EMP3: variants seen among roughly 807,000 people sequenced by gnomAD.
EMP3 encodes the protein epithelial membrane protein 3 (MAM blood group), also known as epithelial membrane protein 3.
In EMP3, 15 loss-of-function variants were observed where a neutral mutation model predicts 21.6. The observed-to-expected ratio is 0.69, with a 90% CI of 0.46 to 1.07. The LOEUF (loss-of-function observed/expected upper bound fraction) is 1.07. Among genes scored for constraint, EMP3 ranks in the 50% least tolerant of loss-of-function variants. The probability of loss-of-function intolerance (pLI) is 0.00; values close to 1 mark genes in which losing one functional copy is unlikely to be tolerated. For synonymous variants in EMP3, 107 were observed against 86.1 expected (o/e 1.24, Z -1.34); for missense variants, 183 against 206.6 (o/e 0.89, Z 0.70).
intron 2 of EMP3, among the ~76,000 whole-genome samples, chr19:48,327,134 G>A (rs1356863053): frequency 6.6e-6 from 1 of 152,178 alleles, no homozygotes; most frequent in Non-Finnish European, 1.5e-5. Context: ...CCGGGTTCAA[G>A]CGATTCTCCT....
chr19:48,326,738 C>T, intron 1 of EMP3, 92 bp from the exon 2 acceptor site: 1 of 1,035,984 alleles, frequency 9.7e-7, no homozygotes, highest in South Asian at 1.3e-5. Flanking sequence ...GATCCTCCCG[C>T]CTCGGCCTCC....
At position 48,327,480 on chromosome 19, in the gene EMP3, T is replaced by C. The variant is rs1469080334; in HGVS notation, c.79-41T>C. On this transcript the variant is annotated intron_variant, in intron 2 of 4. Coordinates refer to ENST00000270221, the MANE Select transcript of EMP3 (RefSeq NM_001425.3). ...TCTGCCTGACCCTATCCCCTCTCCT[T>C]TCCTAACCCTGCCCCTTGTTTCGTT... The C allele has an allele frequency of 1.3e-6, 2 of 1,512,128 alleles. 1 individual carries two copies. The highest frequency in any genetic ancestry group is 3.6e-5 in the Admixed American group (2 of 55,314). 93.7% of individuals were successfully genotyped at this position (1,512,128 alleles called of 1,614,324 possible). A position where few individuals can be genotyped will look rare whatever the true frequency, so the allele number is the denominator to read the frequency against.
At chr19:48,330,260 T>C in intron 4 of EMP3, 41 bp from the exon 5 acceptor site, 1 of 1,521,306 alleles carries the variant, frequency 6.6e-7, no homozygotes, top group South Asian at 1.2e-5. Context: ...AATGTAGTCT[T>C]GAGGGGGCAC....
intron 2 of EMP3, among the ~76,000 whole-genome samples, 180 bp downstream of exon 2, chr19:48,327,102 G>C (rs1190601151): frequency 6.6e-6 from 1 of 152,076 alleles, no homozygotes; most frequent in African/African-American, 2.4e-5. Flanking sequence ...GTGCGATCTC[G>C]GCTCACTGCA....
Position 48,330,386 on chromosome 19 carries a change from A to C in EMP3, c.408A>C (p.Gly136=), listed in dbSNP as rs1284716427. ...LEKHPRGGSF[G]YCFALAWVAF... ...AGCACCCGCGAGGGGGCAGCTTCGG[A>C]TACTGCTTCGCCCTGGCCTGGGTGG... The change falls in exon 5 of 5, where the codon GGA becomes GGC. Residue 136 remains glycine, a synonymous_variant. Transcript: ENST00000270221. 3 of 1,607,586 alleles carry C rather than the reference A, an allele frequency of 1.9e-6. No individual in the cohort carries two copies. Among genetic ancestry groups the C allele is most frequent in the Non-Finnish European group, 2.5e-6 (3 of 1,177,134 alleles).
chr19:48,329,533 G>C lies in EMP3; in HGVS notation c.322+41G>C, dbSNP rs369091876. On this transcript the variant is annotated intron_variant, in intron 4 of 4. Transcript: ENST00000270221. This position sits in a 1 kb window ranked among gnomAD's most constrained non-coding sequence, Gnocchi z 4.5. ...CCCCAACCCTAATCCCCCAAGAATT[G>C]AGCAGAAGGGAGTGGGGTGTGTCAA... 5.6e-6 allele frequency: 9 copies of C among 1,610,336 alleles called. No homozygotes were observed. Among genetic ancestry groups the C allele is most frequent in the Non-Finnish European group, 6.8e-6 (8 of 1,177,596 alleles).
Position 48,329,249 on chromosome 19 carries a change from G to A in EMP3, c.182-103G>A. 1 of 1,462,548 alleles carries A rather than the reference G, an allele frequency of 6.8e-7. No homozygotes were observed. Among genetic ancestry groups the A allele is most frequent in the Non-Finnish European group, 9.3e-7 (1 of 1,069,966 alleles). The allele number at this position is 1,462,548 out of a possible 1,614,324, so 90.6% of individuals were successfully genotyped here. A position where few individuals can be genotyped will look rare whatever the true frequency, so the allele number is the denominator to read the frequency against. ...TATCTAGGCTTGTATGGGCCTAAACGGGAGCAGGGATGGGGCAGAGAAGGG... is the reference window on the plus strand; with the variant it reads ...TATCTAGGCTTGTATGGGCCTAAACAGGAGCAGGGATGGGGCAGAGAAGGG... On this transcript the variant is annotated intron_variant, in intron 3 of 4. Transcript: ENST00000270221. This position sits in a 1 kb window ranked among gnomAD's most constrained non-coding sequence, Gnocchi z 4.5.
At chr19:48,328,430 AAAGAAT>A (rs1600884071) in intron 3 of EMP3, among the ~76,000 whole-genome samples, 1 of 151,486 alleles carries the variant, frequency 6.6e-6, no homozygotes, top group African/African-American at 2.4e-5. Context: ...AAAAAAAAAA[AAAGAAT>A]AGAGAAAAAT....
intron 3 of EMP3, 162 bp downstream of exon 3, chr19:48,327,785 T>A (rs1465990708): frequency 1.8e-5 from 11 of 613,952 alleles, no homozygotes; most frequent in Non-Finnish European, 2.9e-5. Context: ...CCCGCCTGTC[T>A]GGATGTACCT....
Position 48,329,419 on chromosome 19 carries a change from G to C in EMP3, c.249G>C (p.Leu83=). The change falls in exon 4 of 5, where the codon CTG becomes CTC. Residue 83 remains leucine, a synonymous_variant. Transcript: ENST00000270221. The surrounding 1 kb of genome is among the most constrained non-coding windows in gnomAD (Gnocchi z 4.5). ...SLILCCLSFI[L]FMFQLYTMRR... is the part of the protein sequence containing the mutation. Reference sequence around the variant, plus strand: ...TTCTCTGCTGTCTCTCCTTCATCCTGTTCATGTTCCAGCTCTACACCATGC... The same window carrying C: ...TTCTCTGCTGTCTCTCCTTCATCCTCTTCATGTTCCAGCTCTACACCATGC... 6.2e-7 allele frequency: 1 copy of C among 1,613,952 alleles called. No homozygotes were observed. The highest frequency in any genetic ancestry group is 8.5e-7 in the Non-Finnish European group (1 of 1,180,010).
chr19:48,327,752 G>A (rs1007492593), intron 3 of EMP3, 129 bp downstream of exon 3: 4 of 774,730 alleles, frequency 5.2e-6, no homozygotes, highest in Admixed American at 4.3e-5. Flanking sequence ...CTGAGTGGCT[G>A]AGTGCCTAGG....
rs1192622294 is a variant in EMP3 at position 48,329,989 on chromosome 19, G to C, written c.323-312G>C. ...GGCTAACTTAATCACAGTCAGTTTG[G>C]GGAACATTATAGGTTCTTGCAAAGC... On this transcript the variant is annotated intron_variant, in intron 4 of 4. Coordinates refer to ENST00000270221, the MANE Select transcript of EMP3 (RefSeq NM_001425.3). The surrounding 1 kb of genome is among the most constrained non-coding windows in gnomAD (Gnocchi z 4.5). 6.6e-6 allele frequency among the ~76,000 whole-genome samples: 1 copy of C among 152,258 alleles called. No homozygotes were observed. Among genetic ancestry groups the C allele is most frequent in the East Asian group, 1.9e-4 (1 of 5,192 alleles).
intron 1 of EMP3, chr19:48,326,127 T>A (rs1046079014): frequency 6.6e-6 from 1 of 150,670 alleles, no homozygotes. Context: ...TGGGGATGAG[T>A]CACCAGATGA....
intron 2 of EMP3, 117 bp downstream of exon 2, chr19:48,327,039 T>A: frequency 1.1e-6 from 1 of 909,042 alleles, no homozygotes; most frequent in Non-Finnish European, 1.8e-6. Context: ...TTATTTTATT[T>A]CATTTATTTT....
At chr19:48,330,269 A>G (rs1177566604) in intron 4 of EMP3, 32 bp from the exon 5 acceptor site, 1 of 1,536,798 alleles carries the variant, frequency 6.5e-7, no homozygotes, top group Non-Finnish European at 8.8e-7. Flanking sequence ...TTGAGGGGGC[A>G]CTGCATGACG....
chr19:48,327,523 C>T lies in EMP3; in HGVS notation c.81C>T (p.Ser27=). The T allele has an allele frequency of 6.2e-7, 1 of 1,612,076 alleles. No homozygotes were observed. The highest frequency in any genetic ancestry group is 8.5e-7 in the Non-Finnish European group (1 of 1,178,926). The part of the protein sequence containing the change: ...ILLFVATLDK[S]WWTLPGKESL... ...GTTTCGTTCTCTGTCCATCCCAGTCCTGGTGGACTCTCCCTGGGAAAGAGT... is the reference window on the plus strand; with the variant it reads ...GTTTCGTTCTCTGTCCATCCCAGTCTTGGTGGACTCTCCCTGGGAAAGAGT... The change falls in exon 3 of 5, where the codon TCC becomes TCT. Residue 27 remains serine (S), a splice_region_variant and synonymous_variant. Coordinates refer to ENST00000270221, the MANE Select transcript of EMP3 (RefSeq NM_001425.3).
At position 48,330,472 on chromosome 19, in the gene EMP3, C is replaced by A. The variant is rs1251799448; in HGVS notation, c.*2C>A. ...ATCCACCTACGGAAGCGGGAGTGAG[C>A]GCCCCGCCTCGCTCGGCTGCCCCCG... On this transcript the variant is annotated 3_prime_UTR_variant, in exon 5 of 5. Transcript: ENST00000270221. The A allele has an allele frequency of 1.1e-5, 17 of 1,574,420 alleles. No individual in the cohort carries two copies. In the Admixed American group the frequency reaches 3.2e-4, roughly 30 times the overall value.
rs1237501618 is a variant in EMP3, at chr19:48,329,173, G to A, written c.182-179G>A. On this transcript the variant is annotated intron_variant, in intron 3 of 4. Coordinates refer to ENST00000270221, the MANE Select transcript of EMP3 (RefSeq NM_001425.3). This position sits in a 1 kb window ranked among gnomAD's most constrained non-coding sequence, Gnocchi z 4.5. ...AAAGCAACTACTAGAACTGAGAAGG[G>A]AATATAGCAAGGTAACAGGGCTCAA... 2.9e-6 allele frequency: 2 copies of A among 698,640 alleles called. No homozygotes were observed. The highest frequency in any genetic ancestry group is 3.0e-5 in the Admixed American group (1 of 32,830). 43.3% of individuals were successfully genotyped at this position (698,640 alleles called of 1,614,324 possible). A position where few individuals can be genotyped will look rare whatever the true frequency, so the allele number is the denominator to read the frequency against.
Position 48,330,356 on chromosome 19 carries a change from G to A in EMP3, c.378G>A (p.Leu126=), listed in dbSNP as rs1969187069. Residue 126 remains leucine, a synonymous_variant, in exon 5 of 5, where the codon CTG becomes CTA. Coordinates refer to ENST00000270221, the MANE Select transcript of EMP3 (RefSeq NM_001425.3). ...ATGCCATTCACGCCGAGGAGATCCT[G>A]GAGAAGCACCCGCGAGGGGGCAGCT... ...LIYAIHAEEI[L]EKHPRGGSFG... 1 of 1,607,646 alleles carries A rather than the reference G, an allele frequency of 6.2e-7. No homozygotes were observed. The highest frequency in any genetic ancestry group is 8.5e-7 in the Non-Finnish European group (1 of 1,177,366).
Sources: gnomAD v4.1 joint callset for allele counts (sites outside exome capture counted in the v4.1 genomes callset) on GRCh38, gnomAD v4.1.1 for gene constraint, Gnocchi (gnomAD v3.1) non-coding constraint, MANE v1.5 for transcripts, NCBI Gene and HGNC (gene_info 2026-07-23, HGNC 2026-07-21) for gene names.